The following CLEC2A variants were observed in gnomAD, a reference collection of about 807,000 sequenced individuals.
CLEC2A encodes the protein C-type lectin domain family 2 member A, also known as keratinocyte-associated C-type lectin.
Under a neutral mutation model 18.6 loss-of-function variants are expected in CLEC2A, and 19 were observed. The ratio of observed to expected loss-of-function variants is 1.02; its 90% CI spans 0.71 to 1.50. The LOEUF (loss-of-function observed/expected upper bound fraction) is 1.50. CLEC2A is among the 40% of genes most tolerant of loss of function. CLEC2A has a pLI of 0.00. For synonymous variants in CLEC2A, 74 were observed against 64.0 expected (o/e 1.16, Z -0.75); for missense variants, 190 against 207.9 (o/e 0.91, Z 0.53).
At chr12:9,919,240 G>T (rs1863122059) in intron 3 of CLEC2A, among the ~76,000 whole-genome samples, 1 of 152,202 alleles carries the variant, frequency 6.6e-6, no homozygotes, top group Non-Finnish European at 1.5e-5. Context: ...AGAGACCTTA[G>T]TAGTGGTTAA....
chr12:9,895,845 A>G (rs890811051), downstream of CLEC2A: 24 of 1,517,652 alleles, frequency 1.6e-5, 1 homozygote, highest in South Asian at 2.5e-4. Flanking sequence ...TGTACAACCA[A>G]ACATAGAAAT....
downstream of CLEC2A, among the ~76,000 whole-genome samples, chr12:9,911,256 G>A (rs1168962215): frequency 6.6e-6 from 1 of 152,170 alleles, no homozygotes; most frequent in African/African-American, 2.4e-5. Context: ...AATGTAGAGT[G>A]AGGCTGACAT....
chr12:9,904,967 C>T (rs1339345778), intron 4 of CLEC2A, among the ~76,000 whole-genome samples: 1 of 152,148 alleles, frequency 6.6e-6, no homozygotes, highest in Non-Finnish European at 1.5e-5. Context: ...ACGGTATGGA[C>T]ATAAATACTT....
chr12:9,883,009 A>C, the CLEC2A span, among the ~76,000 whole-genome samples: 4 of 152,226 alleles, frequency 2.6e-5, no homozygotes, highest in African/African-American at 9.6e-5. Flanking sequence ...GTATTGATAC[A>C]TAAAATATAA....
downstream of CLEC2A, among the ~76,000 whole-genome samples, chr12:9,909,225 G>A (rs1862946679): frequency 6.6e-6 from 1 of 152,178 alleles, no homozygotes; most frequent in Non-Finnish European, 1.5e-5. Context: ...GACAGAGTCT[G>A]AGTCCAGGGT....
chr12:9,932,317 C>G lies in CLEC2A; in HGVS notation c.13G>C (p.Glu5Gln). The G allele has an allele frequency of 1.3e-6, 2 of 1,552,004 alleles. No individual in the cohort carries two copies. Among genetic ancestry groups the G allele is most frequent in the Non-Finnish European group, 1.7e-6 (2 of 1,146,998 alleles). Reference sequence around the variant, plus strand: ...CCATCAGCTCTGCCATCCCGCAGCTCTGGATTAATCATGGCAAGGCGCTAA... The same window carrying G: ...CCATCAGCTCTGCCATCCCGCAGCTGTGGATTAATCATGGCAAGGCGCTAA... Reference protein sequence around the residue: MINPELRDGRADGFI... With the variant: MINPQLRDGRADGFI... Residue 5 changes from glutamate to glutamine, a missense_variant, in exon 1 of 5, where the codon GAG becomes CAG. Transcript: ENST00000455827.
downstream of CLEC2A, among the ~76,000 whole-genome samples, chr12:9,897,903 T>C (rs957888261): frequency 5.9e-5 from 9 of 152,200 alleles, no homozygotes; most frequent in Non-Finnish European, 8.8e-5. Context: ...TTTCTAAGCA[T>C]TTGGTGGAAA....
the CLEC2A span, among the ~76,000 whole-genome samples, chr12:9,884,752 G>A: frequency 1.3e-5 from 2 of 151,034 alleles, no homozygotes; most frequent in Admixed American, 6.6e-5. Flanking sequence ...AATCCAAAAC[G>A]TTTAATAATA....
downstream of CLEC2A, among the ~76,000 whole-genome samples, chr12:9,896,255 G>C (rs535880379): frequency 6.6e-6 from 1 of 152,086 alleles, no homozygotes; most frequent in Non-Finnish European, 1.5e-5. Context: ...TTTCATCTGT[G>C]TATTATAGCC....
At chr12:9,917,115 A>G (rs1300885207) in intron 3 of CLEC2A, among the ~76,000 whole-genome samples, 5 of 152,222 alleles carry the variant, frequency 3.3e-5, no homozygotes, top group Non-Finnish European at 7.3e-5. Context: ...TAACTTCTAT[A>G]TAAATATAAT....
downstream of CLEC2A, among the ~76,000 whole-genome samples, chr12:9,897,879 T>C (rs1862774729): frequency 6.6e-6 from 1 of 152,200 alleles, no homozygotes; most frequent in Non-Finnish European, 1.5e-5. Flanking sequence ...TTTCTATTCC[T>C]TGGATTTTAA....
At chr12:9,905,160 G>A (rs924662628) in intron 4 of CLEC2A, among the ~76,000 whole-genome samples, 2 of 152,224 alleles carry the variant, frequency 1.3e-5, no homozygotes, top group African/African-American at 4.8e-5. Context: ...TTAGTTTGGT[G>A]AGGGTAGGCC....
At chr12:9,894,974 G>A (rs1419757049), downstream of CLEC2A, among the ~76,000 whole-genome samples, 2 of 152,074 alleles carry the variant, frequency 1.3e-5, no homozygotes, top group African/African-American at 2.4e-5. Context: ...GGTTATAACA[G>A]TGTTCAGTCT....
chr12:9,920,779 C>T (rs757683418), intron 3 of CLEC2A, among the ~76,000 whole-genome samples: 11 of 152,154 alleles, frequency 7.2e-5, no homozygotes, highest in Non-Finnish European at 1.5e-4. Flanking sequence ...CACGTGTCTC[C>T]TTCTTTGCCC....
intron 4 of CLEC2A, among the ~76,000 whole-genome samples, chr12:9,899,235 T>A: frequency 6.6e-6 from 1 of 152,122 alleles, no homozygotes; most frequent in Admixed American, 6.5e-5. Flanking sequence ...TTTTCCACTT[T>A]AAAGGATGTA....
In CLEC2A at chr12:9,922,945, A is replaced by T. The variant is rs139825603; in HGVS notation, c.140-713T>A. ...TTTATTATTATTATTATTATTTTGT[A>T]GTGCTCAGAAGTGGATACAGGCTAC... On this transcript the variant is annotated intron_variant, in intron 2 of 4. Transcript: ENST00000455827. Among the ~76,000 whole-genome samples the T allele has an allele frequency of 5.3e-3, 813 of 152,260 alleles. 12 individuals are homozygous for T. The highest frequency in any genetic ancestry group is 0.018 in the African/African-American group (742 of 41,546).
chr12:9,920,470 C>T (rs887365490), intron 3 of CLEC2A, among the ~76,000 whole-genome samples: 1 of 152,202 alleles, frequency 6.6e-6, no homozygotes, highest in African/African-American at 2.4e-5. Context: ...AGGGGTTGCA[C>T]ATTCACTCAC....
chr12:9,879,938 G>C, the CLEC2A span, among the ~76,000 whole-genome samples: 2 of 152,162 alleles, frequency 1.3e-5, no homozygotes, highest in Non-Finnish European at 2.9e-5. Flanking sequence ...GCACATGTTC[G>C]CATTCCTTTG....
the CLEC2A span, among the ~76,000 whole-genome samples, chr12:9,887,812 G>A: frequency 1.3e-5 from 2 of 151,368 alleles, no homozygotes; most frequent in East Asian, 1.9e-4. Flanking sequence ...AGCACTTTGG[G>A]AGGCCAAGGC....
Sources: gnomAD v4.1 joint callset for allele counts (sites outside exome capture counted in the v4.1 genomes callset) on GRCh38, gnomAD v4.1.1 for gene constraint, MANE v1.5 for transcripts, NCBI Gene and HGNC (gene_info 2026-07-23, HGNC 2026-07-21) for gene names.